PIR: variants seen among roughly 807,000 people sequenced by gnomAD.
PIR encodes pirin (iron-binding nuclear protein).
A neutral mutation model predicts 24.2 loss-of-function variants in PIR; 22 were observed. That is an observed-to-expected ratio of 0.91 (90% CI 0.65 to 1.30). The LOEUF (loss-of-function observed/expected upper bound fraction) is 1.30. PIR is among the 50% of genes most tolerant of loss of function. The pLI is 0.00. For synonymous variants in PIR, 80 were observed against 79.6 expected (o/e 1.00, Z -0.03); for missense variants, 220 against 220.3 (o/e 1.00, Z 0.01).
At chrX:15,414,271 T>A (rs1924841525) in intron 6 of PIR, among the ~76,000 whole-genome samples, 1 of 112,454 alleles carries the variant, frequency 8.9e-6, no homozygotes, top group Admixed American at 9.4e-5. Context: ...CTTTAGAGAC[T>A]AAGTGCACAA....
intron 5 of PIR, among the ~76,000 whole-genome samples, chrX:15,454,363 G>A (rs1256833954): frequency 1.8e-5 from 2 of 110,625 alleles, no homozygotes; most frequent in Admixed American, 9.6e-5. Context: ...GTGGACAGCA[G>A]TCAGGTATGC....
intron 6 of PIR, among the ~76,000 whole-genome samples, chrX:15,421,034 C>T (rs1407123545): frequency 9.0e-5 from 10 of 111,510 alleles, no homozygotes; most frequent in Non-Finnish European, 1.7e-4. Context: ...AAAAATACAG[C>T]AAGATATAAT....
chrX:15,425,879 A>G (rs1925297750), intron 6 of PIR, 27 bp downstream of exon 6: 1 of 871,604 alleles, frequency 1.1e-6, no homozygotes, highest in Non-Finnish European at 1.7e-6. Context: ...TCCTGACGTG[A>G]CTACTAAACC....
At chrX:15,408,980 G>C (rs1239790676) in intron 6 of PIR, among the ~76,000 whole-genome samples, 1 of 111,771 alleles carries the variant, frequency 8.9e-6, no homozygotes, top group Non-Finnish European at 1.9e-5. Flanking sequence ...GCAAGTGCCA[G>C]AGAATATTTT....
At chrX:15,456,882 G>C (rs1921105082) in intron 4 of PIR, among the ~76,000 whole-genome samples, 1 of 112,467 alleles carries the variant, frequency 8.9e-6, no homozygotes, top group Non-Finnish European at 1.9e-5. Context: ...AAGCAGATTA[G>C]GGACCAGCCC....
chrX:15,422,786 T>C (rs754282723), intron 6 of PIR, among the ~76,000 whole-genome samples: 1 of 111,779 alleles, frequency 8.9e-6, no homozygotes, highest in South Asian at 3.8e-4. Context: ...ATGCAATCCC[T>C]ACCAAAATGC....
chrX:15,430,772 T>G (rs1024946160), intron 5 of PIR, among the ~76,000 whole-genome samples: 21 of 111,881 alleles, frequency 1.9e-4, no homozygotes, highest in Non-Finnish European at 3.8e-4. Context: ...ATGAAATCAC[T>G]TCCACATGGA....
At chrX:15,392,934 T>C (rs925283729) in intron 8 of PIR, among the ~76,000 whole-genome samples, 1 of 112,452 alleles carries the variant, frequency 8.9e-6, no homozygotes, top group Non-Finnish European at 1.9e-5. Context: ...TGGCTGAAAG[T>C]CTCAGTTGCT....
At chrX:15,400,538 C>A (rs1043195105) in intron 7 of PIR, among the ~76,000 whole-genome samples, 1 of 110,865 alleles carries the variant, frequency 9.0e-6, no homozygotes, top group African/African-American at 3.3e-5. Flanking sequence ...CTCTGCACCC[C>A]CTATCAGGGG....
At chrX:15,409,715 T>C in intron 6 of PIR, among the ~76,000 whole-genome samples, 1 of 111,762 alleles carries the variant, frequency 8.9e-6, no homozygotes, top group Middle Eastern at 4.6e-3. Context: ...TCTTCTCTGC[T>C]TTTTCAAAAG....
intron 6 of PIR, among the ~76,000 whole-genome samples, chrX:15,423,204 G>T (rs1338653076): frequency 9.1e-6 from 1 of 110,453 alleles, no homozygotes. Flanking sequence ...AAATCTCCAG[G>T]ACATTGGACT....
chrX:15,429,721 C>A (rs1020239251), intron 5 of PIR: 1 of 110,312 alleles, frequency 9.1e-6, no homozygotes, highest in Non-Finnish European at 1.9e-5. Flanking sequence ...CCGGGCGTGG[C>A]GGTGGTCGTC....
chrX:15,414,205 C>T (rs1306236790), intron 6 of PIR, among the ~76,000 whole-genome samples: 1 of 111,937 alleles, frequency 8.9e-6, no homozygotes, highest in African/African-American at 3.2e-5. Context: ...GCCCTAGAAG[C>T]TTATCCTGTT....
chrX:15,455,899 A>T lies in PIR; in HGVS notation c.429T>A (p.Ser143Arg). 3 of 1,210,379 alleles carry T rather than the reference A, an allele frequency of 2.5e-6. No homozygotes were observed. Among genetic ancestry groups the T allele is most frequent in the Non-Finnish European group, 3.4e-6 (3 of 894,376 alleles). Reference protein sequence around the residue: ...ELKSEEIPKPSKDGVTVAVIS... With the variant: ...ELKSEEIPKPRKDGVTVAVIS... The stretch of plus-strand genomic sequence containing the variant: ...TGACAGCAACTGTCACACCATCCTT[A>T]CTGGGTTTAGGGATTTCTTCACTTT... Residue 143 changes from serine to arginine, a missense_variant, in exon 5 of 10, where the codon AGT becomes AGA. By Grantham distance (110) the Ser-to-Arg change is moderately radical. Coordinates refer to ENST00000380420, the MANE Select transcript of PIR (RefSeq NM_001018109.3).
rs748471291 is a variant in PIR at position 15,404,766 on chromosome X, C to A, written c.610+2740G>T. ...TTTGTTTTTCTCATTAACCGCCCCCCCATTAGGGTGTTGGTAGGAGGAAGG... is the reference window on the plus strand; with the variant it reads ...TTTGTTTTTCTCATTAACCGCCCCCACATTAGGGTGTTGGTAGGAGGAAGG... On this transcript the variant is annotated intron_variant, in intron 7 of 9. Coordinates refer to ENST00000380420, the MANE Select transcript of PIR (RefSeq NM_001018109.3). Among the ~76,000 whole-genome samples, 19 of 111,788 alleles carry A rather than the reference C, an allele frequency of 1.7e-4. No homozygotes were observed. In the South Asian group the frequency reaches 4.2e-3, roughly 25 times the overall value.
At chrX:15,433,523 A>G (rs1925584189) in intron 5 of PIR, among the ~76,000 whole-genome samples, 1 of 21,682 alleles carries the variant, frequency 4.6e-5, no homozygotes, top group Non-Finnish European at 7.8e-5. Flanking sequence ...AAAGAAAGAA[A>G]GAAAGAAAGA....
At chrX:15,416,395 G>C (rs1262319267) in intron 6 of PIR, among the ~76,000 whole-genome samples, 3 of 111,761 alleles carry the variant, frequency 2.7e-5, no homozygotes, top group Non-Finnish European at 5.6e-5. Context: ...GAAAAAACAG[G>C]CAAGAAGCCT....
chrX:15,442,177 C>T (rs1045577923), intron 5 of PIR, among the ~76,000 whole-genome samples: 20 of 110,768 alleles, frequency 1.8e-4, no homozygotes, highest in Admixed American at 3.8e-4. Flanking sequence ...CTCAATGTCA[C>T]ATTTTGGTAA....
At chrX:15,412,916 C>A (rs1463208834) in intron 6 of PIR, among the ~76,000 whole-genome samples, 2 of 111,957 alleles carry the variant, frequency 1.8e-5, no homozygotes, top group African/African-American at 6.5e-5. Flanking sequence ...TCAGGGAGAT[C>A]TAGGACCAGA....
Sources: gnomAD v4.1 joint callset for allele counts (sites outside exome capture counted in the v4.1 genomes callset) on GRCh38, gnomAD v4.1.1 for gene constraint, MANE v1.5 for transcripts, NCBI Gene and HGNC (gene_info 2026-07-23, HGNC 2026-07-21) for gene names.